The following GTF2IRD1 variants were observed in gnomAD, a reference collection of about 807,000 sequenced individuals.
GTF2IRD1 encodes GTF2I repeat domain containing 1.
Under a neutral mutation model 113.2 loss-of-function variants are expected in GTF2IRD1, and 26 were observed. The ratio of observed to expected loss-of-function variants is 0.23; its 90% CI spans 0.17 to 0.32. The LOEUF is 0.32. Ranked by LOEUF, GTF2IRD1 falls within the 10% of genes least tolerant of loss-of-function variation. The probability of loss-of-function intolerance (pLI) is 1.00; values close to 1 mark genes in which losing one functional copy is unlikely to be tolerated. For synonymous variants in GTF2IRD1, 484 were observed against 529.1 expected (o/e 0.91, Z 1.17); for missense variants, 864 against 1,280.8 (o/e 0.67, Z 4.97).
chr7:74,500,671 A>T (rs1554339214), intron 1 of GTF2IRD1, among the ~76,000 whole-genome samples: 1 of 151,984 alleles, frequency 6.6e-6, no homozygotes, highest in Admixed American at 6.6e-5. Flanking sequence ...ATACACGCAC[A>T]CCCGTCGCAT....
chr7:74,468,417 T>G (rs1386181944), intron 1 of GTF2IRD1, among the ~76,000 whole-genome samples: 1 of 150,274 alleles, frequency 6.7e-6, no homozygotes, highest in Non-Finnish European at 1.5e-5. Context: ...CCCAGCACTT[T>G]GGGAGGCTGA....
At position 74,586,943 on chromosome 7, in the gene GTF2IRD1, C is replaced by G. The variant is rs369343801; in HGVS notation, c.2321-2908C>G. Reference sequence around the variant, plus strand: ...GGAGGATCGCTTGAGCTTAGGAGTTCGAGAACAGCCTGTGCAACAGAGAGA... The same window carrying G: ...GGAGGATCGCTTGAGCTTAGGAGTTGGAGAACAGCCTGTGCAACAGAGAGA... On this transcript the variant is annotated intron_variant, in intron 22 of 26. Transcript: ENST00000424337. Among the ~76,000 whole-genome samples, 65 of 151,828 alleles carry G rather than the reference C, an allele frequency of 4.3e-4. No individual in the cohort carries two copies. The Middle Eastern group carries it at 0.01, about 24-fold the overall frequency.
intron 1 of GTF2IRD1, among the ~76,000 whole-genome samples, chr7:74,490,046 C>CT (rs1795247926): frequency 6.6e-6 from 1 of 152,014 alleles, no homozygotes; most frequent in Non-Finnish European, 1.5e-5. Context: ...TAGCTCATTG[C>CT]AGCCTTGACC....
intron 1 of GTF2IRD1, among the ~76,000 whole-genome samples, chr7:74,464,125 C>T (rs1554330229): frequency 6.6e-6 from 1 of 152,190 alleles, no homozygotes; most frequent in Non-Finnish European, 1.5e-5. Context: ...CCTGTGTGAA[C>T]AGTGGCTATT....
At chr7:74,516,306 A>G (rs1554344593) in intron 4 of GTF2IRD1, among the ~76,000 whole-genome samples, 1 of 152,228 alleles carries the variant, frequency 6.6e-6, no homozygotes, top group Non-Finnish European at 1.5e-5. Flanking sequence ...CTCCAGAGTC[A>G]GGGGCTGTGT....
Position 74,536,277 on chromosome 7 carries a change from T to C in GTF2IRD1, c.1409+2T>C. On this transcript the variant is annotated splice_donor_variant, in intron 11 of 26. Transcript: ENST00000424337. LOFTEE classifies it high-confidence loss of function. Reference sequence around the variant, plus strand: ...CCTTGACCTTGCTGGGAATGCTCGGTGAGGCCCCGCCCCTGGCCCCGGAGG... The same window carrying C: ...CCTTGACCTTGCTGGGAATGCTCGGCGAGGCCCCGCCCCTGGCCCCGGAGG... 6.3e-7 allele frequency: 1 copy of C among 1,581,364 alleles called. No individual in the cohort carries two copies.
chr7:74,571,547 A>G (rs1167373710), intron 22 of GTF2IRD1, among the ~76,000 whole-genome samples: 2 of 152,170 alleles, frequency 1.3e-5, no homozygotes, highest in African/African-American at 4.8e-5. Flanking sequence ...CTTTCATCTC[A>G]GTTTAAGGAA....
At chr7:74,491,670 G>A (rs1336675741) in intron 1 of GTF2IRD1, among the ~76,000 whole-genome samples, 2 of 152,000 alleles carry the variant, frequency 1.3e-5, no homozygotes, top group African/African-American at 4.8e-5. Flanking sequence ...GTTCTTTTTT[G>A]TGGCTGCATA....
intron 23 of GTF2IRD1, 124 bp downstream of exon 23, chr7:74,590,052 G>A: frequency 3.1e-6 from 2 of 637,338 alleles, no homozygotes; most frequent in East Asian, 5.6e-5. Flanking sequence ...TGGTGACATG[G>A]CTGCTCTGCC....
At position 74,601,545 on chromosome 7, in the gene GTF2IRD1, G is replaced by T. The variant is rs990034307; in HGVS notation, c.2766+365G>T. 22 of 1,273,464 alleles carry T rather than the reference G, an allele frequency of 1.7e-5. No homozygotes were observed. The African/African-American group carries it at 3.3e-4, about 19-fold the overall frequency. 78.9% of individuals were successfully genotyped at this position (1,273,464 alleles called of 1,614,324 possible). A position where few individuals can be genotyped will look rare whatever the true frequency, so the allele number is the denominator to read the frequency against. ...CCCAGCACTTTGGCAGGTCAAGTCG[G>T]GTGGATCACCTGAGGTCAGGAGTTT... On this transcript the variant is annotated intron_variant, in intron 26 of 26. Transcript: ENST00000424337.
intron 5 of GTF2IRD1, 54 bp downstream of exon 5, chr7:74,518,376 A>G (rs1415208575): frequency 2.8e-6 from 4 of 1,435,668 alleles, no homozygotes; most frequent in African/African-American, 1.4e-5. Context: ...GGGCCGGGTC[A>G]GGGCCGGGGG....
intron 22 of GTF2IRD1, among the ~76,000 whole-genome samples, chr7:74,566,813 A>ACTTCGGAACC (rs1157841611): frequency 5.3e-5 from 8 of 152,040 alleles, no homozygotes; most frequent in Admixed American, 1.3e-4. Context: ...ATTTTATTAT[A>ACTTCGGAACC]CTTCGGAACC....
rs782652949 is a variant in GTF2IRD1, at chr7:74,515,500, G to A, written c.325G>A (p.Gly109Ser). Residue 109 changes from glycine (G) to serine (S), a missense_variant, in exon 4 of 27, where the codon GGT becomes AGT. Coordinates refer to ENST00000424337, the MANE Select transcript of GTF2IRD1 (RefSeq NM_005685.4). The stretch of plus-strand genomic sequence containing the variant: ...CCCCAAGAAGGTGCAGCGGGGCGAG[G>A]GTGGAGGCCGTAGCCTCCCTCGGTC... ...EHPKKVQRGEGGGRSLPRSSL... is the reference protein window; with the variant it reads ...EHPKKVQRGESGGRSLPRSSL... 6 of 1,613,154 alleles carry A rather than the reference G, an allele frequency of 3.7e-6. No individual in the cohort carries two copies. The highest frequency in any genetic ancestry group is 5.1e-6 in the Non-Finnish European group (6 of 1,179,602).
At chr7:74,524,987 C>T (rs1797519114) in intron 8 of GTF2IRD1, among the ~76,000 whole-genome samples, 1 of 151,996 alleles carries the variant, frequency 6.6e-6, no homozygotes, top group African/African-American at 2.4e-5. Context: ...CAGTGAGCTA[C>T]GATTGTACCC....
intron 1 of GTF2IRD1, among the ~76,000 whole-genome samples, chr7:74,505,635 T>C (rs1476820063): frequency 9.9e-5 from 15 of 152,218 alleles, no homozygotes; most frequent in African/African-American, 3.6e-4. Flanking sequence ...TGCTTTGCCC[T>C]GATTCGATTT....
chr7:74,471,745 A>G (rs998495512), intron 1 of GTF2IRD1, among the ~76,000 whole-genome samples: 1 of 151,648 alleles, frequency 6.6e-6, no homozygotes, highest in Non-Finnish European at 1.5e-5. Context: ...TGTAATCCCA[A>G]CACTTTGGGA....
At chr7:74,491,797 A>G (rs1436282496) in intron 1 of GTF2IRD1, among the ~76,000 whole-genome samples, 1 of 152,092 alleles carries the variant, frequency 6.6e-6, no homozygotes, top group Admixed American at 6.6e-5. Context: ...ATACGTGTGC[A>G]TGTGTCTTTA....
intron 1 of GTF2IRD1, among the ~76,000 whole-genome samples, chr7:74,494,419 A>G (rs1313206584): frequency 2.0e-5 from 3 of 152,114 alleles, no homozygotes; most frequent in South Asian, 2.1e-4. Context: ...CGGGCTTCCC[A>G]CGTGTCAGCT....
Position 74,520,089 on chromosome 7 carries a change from C to CAAAA in GTF2IRD1, c.916+397_916+400dup, listed in dbSNP as rs61019711. Among the ~76,000 whole-genome samples the CAAAA allele has an allele frequency of 2.8e-4, 7 of 24,588 alleles. 1 individual carries two copies. Among genetic ancestry groups the CAAAA allele is most frequent in the Non-Finnish European group, 4.5e-4 (6 of 13,194 alleles). The allele number at this position is 24,588 out of a possible 152,430, so 16.1% of individuals were successfully genotyped here. A position where few individuals can be genotyped will look rare whatever the true frequency, so the allele number is the denominator to read the frequency against. ...CCTGGGTGACAGCACAGCTCTGTCT[C>CAAAA]AAAAAAAAAAAAAAAAAAAAAAAAA... On this transcript the variant is annotated intron_variant, in intron 6 of 26. Coordinates refer to ENST00000424337, the MANE Select transcript of GTF2IRD1 (RefSeq NM_005685.4).
Sources: gnomAD v4.1 joint callset for allele counts (sites outside exome capture counted in the v4.1 genomes callset) on GRCh38, gnomAD v4.1.1 for gene constraint, MANE v1.5 for transcripts, NCBI Gene and HGNC (gene_info 2026-07-23, HGNC 2026-07-21) for gene names.